SCAPER: variants seen among roughly 807,000 people sequenced by gnomAD.
SCAPER encodes S-phase cyclin A associated protein in the ER, also known as S phase cyclin A-associated protein in the endoplasmic reticulum.
SCAPER carries 98 observed loss-of-function variants against 182.2 expected under a neutral mutation model. The observed-to-expected ratio is 0.54, with a 90% CI of 0.46 to 0.64. The LOEUF is 0.64. Ranked by LOEUF, SCAPER falls within the 30% of genes least tolerant of loss-of-function variation. The pLI is 0.00. For synonymous variants in SCAPER, 605 were observed against 564.6 expected, an observed-to-expected ratio of 1.07 and a Z score of -1.01; for missense variants, 1,432 against 1,690.0, an observed-to-expected ratio of 0.85 and a Z score of 2.68.
intron 26 of SCAPER, among the ~76,000 whole-genome samples, chr15:76,427,219 G>A (rs779044256): frequency 7.2e-5 from 11 of 151,906 alleles, no homozygotes; most frequent in South Asian, 2.1e-4. Flanking sequence ...TAGACAAAGG[G>A]GATTATATCA....
chr15:76,881,676 G>T (rs892225774), intron 2 of SCAPER, among the ~76,000 whole-genome samples: 2 of 152,156 alleles, frequency 1.3e-5, no homozygotes, highest in African/African-American at 4.8e-5. Context: ...GGTACATAAA[G>T]TAGTCAAAAT....
At chr15:76,607,750 G>A (rs560573705) in intron 22 of SCAPER, among the ~76,000 whole-genome samples, 9 of 142,368 alleles carry the variant, frequency 6.3e-5, no homozygotes, top group East Asian at 5.0e-4. Context: ...TTCCCTTCTC[G>A]CTTCATTTCA....
At chr15:76,624,591 A>G (rs942300265) in intron 21 of SCAPER, among the ~76,000 whole-genome samples, 4 of 152,214 alleles carry the variant, frequency 2.6e-5, no homozygotes, top group Non-Finnish European at 5.9e-5. Context: ...CATATGTCAC[A>G]TATGCTGTTT....
chr15:76,646,836 G>A (rs1432781880), intron 21 of SCAPER, among the ~76,000 whole-genome samples: 2 of 152,150 alleles, frequency 1.3e-5, no homozygotes, highest in African/African-American at 4.8e-5. Flanking sequence ...GGCTTTGCCT[G>A]TAGAACATTT....
intron 5 of SCAPER, among the ~76,000 whole-genome samples, chr15:76,810,008 C>G (rs925987260): frequency 1.3e-5 from 2 of 152,136 alleles, no homozygotes; most frequent in South Asian, 2.1e-4. Flanking sequence ...CCCAGAAAAT[C>G]TGGCCTTCAA....
chr15:76,433,990 A>G (rs947710087), intron 26 of SCAPER, 88 bp downstream of exon 26: 2 of 1,072,866 alleles, frequency 1.9e-6, no homozygotes, highest in Non-Finnish European at 2.7e-6. Flanking sequence ...TGTGAGAACC[A>G]CTGCCATCAC....
intron 27 of SCAPER, among the ~76,000 whole-genome samples, chr15:76,387,994 A>G (rs2043400883): frequency 6.6e-6 from 1 of 152,218 alleles, no homozygotes; most frequent in African/African-American, 2.4e-5. Context: ...TAACAGGAGT[A>G]CAATGTACAC....
At chr15:76,631,961 T>A (rs1246932378) in intron 21 of SCAPER, among the ~76,000 whole-genome samples, 1 of 152,194 alleles carries the variant, frequency 6.6e-6, no homozygotes, top group Non-Finnish European at 1.5e-5. Context: ...GTCCCATAGT[T>A]CTCAGAGGTT....
chr15:76,612,977 C>T (rs760291551), intron 22 of SCAPER, among the ~76,000 whole-genome samples: 5 of 152,106 alleles, frequency 3.3e-5, no homozygotes, highest in Non-Finnish European at 5.9e-5. Context: ...CAATCCTAAG[C>T]GAAAAGAATA....
intron 2 of SCAPER, among the ~76,000 whole-genome samples, chr15:76,882,125 T>C (rs182227603): frequency 2.3e-4 from 35 of 152,266 alleles, no homozygotes; most frequent in East Asian, 1.9e-3. Context: ...CCAGGCATAG[T>C]AGCTCATGCC....
chr15:76,870,741 TCAAA>T (rs1357480280), intron 2 of SCAPER, among the ~76,000 whole-genome samples: 2 of 151,104 alleles, frequency 1.3e-5, no homozygotes, highest in Admixed American at 6.6e-5. Context: ...TTTAAAAAGG[TCAAA>T]CATAGAAGCA....
chr15:76,890,434 G>T (rs1409612009), intron 1 of SCAPER, among the ~76,000 whole-genome samples: 1 of 152,076 alleles, frequency 6.6e-6, no homozygotes, highest in African/African-American at 2.4e-5. Flanking sequence ...GACTAATAAA[G>T]AAGAAAAGAC....
chr15:76,794,234 G>A (rs77887308), intron 8 of SCAPER, among the ~76,000 whole-genome samples: 4 of 152,160 alleles, frequency 2.6e-5, no homozygotes, highest in African/African-American at 4.8e-5. Flanking sequence ...CCTCAACTAG[G>A]TGAGTTATTC....
chr15:76,509,693 C>G (rs2041873251), intron 23 of SCAPER, among the ~76,000 whole-genome samples: 1 of 152,024 alleles, frequency 6.6e-6, no homozygotes, highest in Non-Finnish European at 1.5e-5. Context: ...AAAATGCTAC[C>G]ATCATTCTTC....
chr15:76,415,043 T>C (rs543257671), intron 26 of SCAPER, among the ~76,000 whole-genome samples: 1 of 152,282 alleles, frequency 6.6e-6, no homozygotes, highest in South Asian at 2.1e-4. Context: ...TGACAAACAA[T>C]GCTCAACCTC....
At chr15:76,740,051 A>G (rs2061463851) in intron 15 of SCAPER, among the ~76,000 whole-genome samples, 2 of 152,204 alleles carry the variant, frequency 1.3e-5, no homozygotes, top group Admixed American at 1.3e-4. Flanking sequence ...CTATAGTCCC[A>G]GCCACTCAAA....
intron 15 of SCAPER, among the ~76,000 whole-genome samples, chr15:76,751,020 G>A (rs2062056395): frequency 6.6e-6 from 1 of 151,410 alleles, no homozygotes; most frequent in African/African-American, 2.4e-5. Flanking sequence ...GTTAGAAGTA[G>A]TAAAAATTCA....
chr15:76,615,863 C>T (rs1055113983), intron 22 of SCAPER, among the ~76,000 whole-genome samples: 42 of 149,360 alleles, frequency 2.8e-4, no homozygotes, highest in Admixed American at 1.8e-3. Flanking sequence ...AAAAAGCACA[C>T]GAAAAGATGT....
chr15:76,705,869 A>G (rs775804202), intron 18 of SCAPER, 34 bp downstream of exon 18: 22 of 1,460,836 alleles, frequency 1.5e-5, no homozygotes. Flanking sequence ...TGTAAGCTCT[A>G]AAATTTCAAA....
Sources: gnomAD v4.1 joint callset for allele counts (sites outside exome capture counted in the v4.1 genomes callset) on GRCh38, gnomAD v4.1.1 for gene constraint, MANE v1.5 for transcripts, NCBI Gene and HGNC (gene_info 2026-07-23, HGNC 2026-07-21) for gene names.